NBDY: variants seen among roughly 807,000 people sequenced by gnomAD.
NBDY encodes P-body dissociating protein.
intron 2 of NBDY, among the ~76,000 whole-genome samples, chrX:56,812,844 C>T (rs976351421): frequency 1.8e-5 from 2 of 111,077 alleles, no homozygotes; most frequent in African/African-American, 3.3e-5. Flanking sequence ...CAGCTCTCTG[C>T]GGGACAAATG....
intron 2 of NBDY, among the ~76,000 whole-genome samples, chrX:56,744,902 A>C (rs2069549170): frequency 8.9e-6 from 1 of 111,904 alleles, no homozygotes; most frequent in African/African-American, 3.2e-5. Flanking sequence ...TTTCATGGAT[A>C]GAAGACTCAT....
intron 2 of NBDY, among the ~76,000 whole-genome samples, chrX:56,808,095 C>G (rs1323660923): frequency 8.9e-6 from 1 of 112,199 alleles, no homozygotes; most frequent in Non-Finnish European, 1.9e-5. Context: ...GTCATTAGTT[C>G]TGTTTATGTG....
At chrX:56,767,394 C>A (rs779342624) in intron 2 of NBDY, among the ~76,000 whole-genome samples, 7 of 113,419 alleles carry the variant, frequency 6.2e-5, no homozygotes, top group Non-Finnish European at 1.3e-4. Flanking sequence ...TCTGGCCGCC[C>A]TTGAGGAGCC....
At chrX:56,796,589 G>T (rs2069792756) in intron 2 of NBDY, among the ~76,000 whole-genome samples, 1 of 111,221 alleles carries the variant, frequency 9.0e-6, no homozygotes, top group Non-Finnish European at 1.9e-5. Context: ...TTTCCTTTCT[G>T]CCCTCTCTCC....
At chrX:56,813,494 T>G (rs2069896986) in intron 2 of NBDY, among the ~76,000 whole-genome samples, 1 of 110,190 alleles carries the variant, frequency 9.1e-6, no homozygotes, top group South Asian at 3.9e-4. Flanking sequence ...ACACACGCAC[T>G]CAGAAGGGAC....
At chrX:56,731,732 A>G (rs73214043) in intron 1 of NBDY, among the ~76,000 whole-genome samples, 1,260 of 111,661 alleles carry the variant, frequency 0.011, 8 homozygotes, top group Non-Finnish European at 0.014. Context: ...TTATGTGCCA[A>G]TTTTCTAAAG....
chrX:56,742,645 T>A (rs1333942029), intron 2 of NBDY, among the ~76,000 whole-genome samples: 2 of 111,980 alleles, frequency 1.8e-5, no homozygotes, highest in Non-Finnish European at 3.8e-5. Flanking sequence ...AATGTTGGCA[T>A]GTGGAAATGC....
At chrX:56,754,541 A>T (rs2069600333) in intron 2 of NBDY, among the ~76,000 whole-genome samples, 1 of 112,466 alleles carries the variant, frequency 8.9e-6, no homozygotes, top group Non-Finnish European at 1.9e-5. Context: ...ATGACAATGG[A>T]AGGAATCTAA....
At chrX:56,759,903 G>A (rs2069629595) in intron 2 of NBDY, among the ~76,000 whole-genome samples, 2 of 112,171 alleles carry the variant, frequency 1.8e-5, no homozygotes, top group Non-Finnish European at 3.8e-5. Flanking sequence ...TTCCCAGGGA[G>A]AATAAGAACC....
chrX:56,815,411 G>A (rs2069906350), intron 2 of NBDY, among the ~76,000 whole-genome samples: 1 of 111,219 alleles, frequency 9.0e-6, no homozygotes, highest in African/African-American at 3.3e-5. Flanking sequence ...TTCTATTAAG[G>A]TACAATAAAT....
At chrX:56,730,931 G>T (rs1398794129) in intron 1 of NBDY, among the ~76,000 whole-genome samples, 3 of 111,314 alleles carry the variant, frequency 2.7e-5, no homozygotes, top group Non-Finnish European at 5.7e-5. Flanking sequence ...CTTCATTCGT[G>T]CAGTAAACCT....
At chrX:56,809,799 A>G (rs993403392) in intron 2 of NBDY, among the ~76,000 whole-genome samples, 1 of 112,035 alleles carries the variant, frequency 8.9e-6, no homozygotes, top group Non-Finnish European at 1.9e-5. Context: ...TGTCGTTATG[A>G]TGCTAGCTGG....
chrX:56,745,732 C>CT (rs910866195), intron 2 of NBDY, among the ~76,000 whole-genome samples: 3 of 109,291 alleles, frequency 2.7e-5, no homozygotes, highest in Non-Finnish European at 3.8e-5. Flanking sequence ...AGCACCCTCC[C>CT]TTTTTTTTTC....
At chrX:56,809,502 T>G (rs1218804436) in intron 2 of NBDY, among the ~76,000 whole-genome samples, 1 of 112,376 alleles carries the variant, frequency 8.9e-6, no homozygotes, top group Non-Finnish European at 1.9e-5. Flanking sequence ...TTATTTACCA[T>G]TATGTAATGT....
chrX:56,765,900 C>CGTGTT (rs1419228717), intron 2 of NBDY, among the ~76,000 whole-genome samples: 1 of 110,665 alleles, frequency 9.0e-6, no homozygotes, highest in Non-Finnish European at 1.9e-5. Context: ...TGGGTGGGCA[C>CGTGTT]GTGTTCTAGC....
rs1182290455 is a variant in NBDY at position 56,737,857 on chromosome X, T to C, written c.*166+5658T>C. Among the ~76,000 whole-genome samples the C allele has an allele frequency of 4.5e-5, 5 of 112,055 alleles. No homozygotes were observed. In the East Asian group the frequency reaches 1.4e-3, roughly 31 times the overall value. On this transcript the variant is annotated intron_variant, in intron 2 of 2. Transcript: ENST00000374922. ...CCCAGATTCACCAATTAACATTTTATCACGTTTGCCTTATCATTCTGTTTT... is the reference window on the plus strand; with the variant it reads ...CCCAGATTCACCAATTAACATTTTACCACGTTTGCCTTATCATTCTGTTTT...
At chrX:56,798,870 C>T (rs2069807240) in intron 2 of NBDY, among the ~76,000 whole-genome samples, 1 of 112,086 alleles carries the variant, frequency 8.9e-6, no homozygotes, top group Admixed American at 9.4e-5. Context: ...TTCTCTCCCT[C>T]CTGTCTTTTT....
intron 2 of NBDY, among the ~76,000 whole-genome samples, chrX:56,743,113 A>G (rs1422416377): frequency 9.0e-6 from 1 of 111,402 alleles, no homozygotes; most frequent in Non-Finnish European, 1.9e-5. Flanking sequence ...TGTTGATACT[A>G]TGTATCACCA....
chrX:56,792,721 A>G (rs1392159329), intron 2 of NBDY, among the ~76,000 whole-genome samples: 2 of 111,227 alleles, frequency 1.8e-5, no homozygotes, highest in African/African-American at 3.3e-5. Flanking sequence ...TCTCTTCCAC[A>G]CTGGTTCTAA....
Sources: allele counts gnomAD v4.1 joint callset (sites outside exome capture counted in the v4.1 genomes callset), GRCh38; gene constraint gnomAD v4.1.1; transcripts MANE v1.5; gene names NCBI Gene and HGNC (gene_info 2026-07-23, HGNC 2026-07-21).